Variants in NEGR1 observed in about 807,000 individuals in gnomAD.
NEGR1 encodes the protein IgLON family member 4.
In NEGR1, 10 loss-of-function variants were observed where a neutral mutation model predicts 40.9. The observed-to-expected ratio is 0.24, with a 90% CI of 0.15 to 0.42. NEGR1 has a LOEUF of 0.42. Ranked by LOEUF, NEGR1 falls within the 10% of genes least tolerant of loss-of-function variation. The probability of loss-of-function intolerance (pLI) is 1.00; values close to 1 mark genes in which losing one functional copy is unlikely to be tolerated. For synonymous variants in NEGR1, 185 were observed against 166.8 expected (o/e 1.11, Z -0.84); for missense variants, 352 against 438.9 (o/e 0.80, Z 1.77).
At chr1:72,085,968 CAAAA>C (rs36028456) in intron 1 of NEGR1, among the ~76,000 whole-genome samples, 967 of 63,056 alleles carry the variant, frequency 0.015, 4 homozygotes, top group African/African-American at 0.052. Context: ...GACTCTGTCT[CAAAA>C]AAAAAAAAAA....
chr1:71,777,880 T>C (rs1656566782), intron 2 of NEGR1, among the ~76,000 whole-genome samples: 2 of 152,090 alleles, frequency 1.3e-5, no homozygotes, highest in Non-Finnish European at 1.5e-5. Context: ...CATAGTTTAA[T>C]TGGCATTTAA....
Position 72,027,530 on chromosome 1 carries a change from A to AACC in NEGR1, c.177-92222_177-92220dup, listed in dbSNP as rs543922130. 4.9e-3 allele frequency among the ~76,000 whole-genome samples: 744 copies of AACC among 152,116 alleles called. 3 individuals carry two copies. The highest frequency in any genetic ancestry group is 0.016 in the African/African-American group (684 of 41,548). On this transcript the variant is annotated intron_variant, in intron 1 of 6. Transcript: ENST00000357731. ...GTTTCTGGTTGATAGGATAAATGAG[A>AACC]ACCAGGTATAAATAATAATTAAAAA...
chr1:71,942,276 A>G (rs928415132), intron 1 of NEGR1, among the ~76,000 whole-genome samples: 11 of 150,170 alleles, frequency 7.3e-5, no homozygotes, highest in Admixed American at 6.7e-5. Context: ...ACATTTTTAC[A>G]TTGTAAATTA....
intron 6 of NEGR1, among the ~76,000 whole-genome samples, chr1:71,510,656 GA>G (rs1262498188): frequency 6.6e-6 from 1 of 152,168 alleles, no homozygotes; most frequent in Non-Finnish European, 1.5e-5. Context: ...TGACATCCAG[GA>G]AGATTGTAAC....
At chr1:71,732,286 A>C (rs368773171) in intron 3 of NEGR1, among the ~76,000 whole-genome samples, 9 of 152,276 alleles carry the variant, frequency 5.9e-5, no homozygotes, top group Admixed American at 5.2e-4. Flanking sequence ...GTAGCACTGC[A>C]TTCCAGCTTG....
chr1:72,036,239 G>A (rs761750202), intron 1 of NEGR1, among the ~76,000 whole-genome samples: 15 of 152,042 alleles, frequency 9.9e-5, no homozygotes, highest in Non-Finnish European at 1.8e-4. Flanking sequence ...ATTTCATATA[G>A]CTTATTTATT....
At chr1:71,563,152 T>C (rs1011875748) in intron 6 of NEGR1, among the ~76,000 whole-genome samples, 1 of 151,992 alleles carries the variant, frequency 6.6e-6, no homozygotes, top group Non-Finnish European at 1.5e-5. Context: ...AGAGTGCTTG[T>C]TCTCCATGAA....
Position 71,825,573 on chromosome 1 carries a change from TAAAC to T in NEGR1, c.410-49280_410-49277del, listed in dbSNP as rs1178395045. 3.9e-5 allele frequency among the ~76,000 whole-genome samples: 6 copies of T among 152,002 alleles called. No homozygotes were observed. The South Asian group carries it at 6.2e-4, about 16-fold the overall frequency. ...ATAATTAAGAACATCAACTTTATAA[TAAAC>T]AAGACTAGATATTGAATCCTTGTCT... On this transcript the variant is annotated intron_variant, in intron 2 of 6. Coordinates refer to ENST00000357731, the MANE Select transcript of NEGR1 (RefSeq NM_173808.3).
chr1:72,116,585 T>C (rs1340572967), intron 1 of NEGR1, among the ~76,000 whole-genome samples: 5 of 151,730 alleles, frequency 3.3e-5, no homozygotes, highest in Admixed American at 1.3e-4. Flanking sequence ...ATTTAATCCC[T>C]ACTTCATGAA....
intron 6 of NEGR1, among the ~76,000 whole-genome samples, chr1:71,510,121 G>C (rs1569966264): frequency 6.6e-6 from 1 of 152,158 alleles, no homozygotes; most frequent in Non-Finnish European, 1.5e-5. Context: ...AAATAAAAAG[G>C]AATGGTGGCT....
At position 71,439,570 on chromosome 1, in the gene NEGR1, C is replaced by T. The variant is rs143289381; in HGVS notation, c.941-32000G>A. On this transcript the variant is annotated intron_variant, in intron 6 of 6. Coordinates refer to ENST00000357731, the MANE Select transcript of NEGR1 (RefSeq NM_173808.3). The stretch of plus-strand genomic sequence containing the variant: ...TAGAGACAGAGTTTGACCATGTTGC[C>T]TAGGCTGGTCTTGAACTCCTGGCCT... 4.0e-4 allele frequency among the ~76,000 whole-genome samples: 61 copies of T among 152,238 alleles called. No individual in the cohort carries two copies. In the South Asian group the frequency reaches 8.7e-3, roughly 22 times the overall value.
chr1:71,691,251 C>T (rs2101622179), intron 4 of NEGR1, among the ~76,000 whole-genome samples: 1 of 151,996 alleles, frequency 6.6e-6, no homozygotes, highest in South Asian at 2.1e-4. Flanking sequence ...AACAGTATTA[C>T]TTCAACTGAG....
intron 2 of NEGR1, among the ~76,000 whole-genome samples, chr1:71,836,516 C>T (rs1659037933): frequency 6.6e-6 from 1 of 150,414 alleles, no homozygotes; most frequent in Non-Finnish European, 1.5e-5. Flanking sequence ...GGTACTCTTA[C>T]TCTTAGCACA....
At chr1:72,026,473 T>G (rs934712058) in intron 1 of NEGR1, among the ~76,000 whole-genome samples, 1 of 152,008 alleles carries the variant, frequency 6.6e-6, no homozygotes, top group Non-Finnish European at 1.5e-5. Flanking sequence ...TAAAATATAA[T>G]TCTTAAAATT....
At chr1:71,597,462 C>CTG (rs1191334873) in intron 5 of NEGR1, among the ~76,000 whole-genome samples, 38 of 30,160 alleles carry the variant, frequency 1.3e-3, no homozygotes, top group Admixed American at 3.7e-3. Context: ...CTCTCTCTCT[C>CTG]TCTCTCTCTC....
chr1:71,894,480 A>G (rs950392480), intron 2 of NEGR1, among the ~76,000 whole-genome samples: 1 of 152,188 alleles, frequency 6.6e-6, no homozygotes, highest in East Asian at 1.9e-4. Context: ...CTTTACATGG[A>G]TAATATCACT....
intron 3 of NEGR1, among the ~76,000 whole-genome samples, chr1:71,768,560 A>G (rs1326812539): frequency 6.6e-6 from 1 of 152,202 alleles, no homozygotes; most frequent in African/African-American, 2.4e-5. Flanking sequence ...ACATAGGAAG[A>G]AGGGACTTGT....
chr1:72,278,327 A>C (rs975970337), intron 1 of NEGR1, among the ~76,000 whole-genome samples: 1 of 152,158 alleles, frequency 6.6e-6, no homozygotes, highest in Non-Finnish European at 1.5e-5. Context: ...AGGCGGCTAA[A>C]AAAGTACAAA....
chr1:71,853,284 G>T (rs1659666106), intron 2 of NEGR1, among the ~76,000 whole-genome samples: 1 of 151,878 alleles, frequency 6.6e-6, no homozygotes, highest in African/African-American at 2.4e-5. Flanking sequence ...ACAATTAAAA[G>T]GTAATAATTT....
Sources: allele counts gnomAD v4.1 joint callset (sites outside exome capture counted in the v4.1 genomes callset), GRCh38; gene constraint gnomAD v4.1.1; transcripts MANE v1.5; gene names NCBI Gene and HGNC (gene_info 2026-07-23, HGNC 2026-07-21).